Variants in MACROD2 observed in about 807,000 individuals in gnomAD.
The protein encoded by MACROD2 is ADP-ribose glycohydrolase MACROD2.
Under a neutral mutation model 70.4 loss-of-function variants are expected in MACROD2, and 36 were observed. The ratio of observed to expected loss-of-function variants is 0.51; its 90% CI spans 0.39 to 0.68. The LOEUF (loss-of-function observed/expected upper bound fraction) is 0.68. Among genes scored for constraint, MACROD2 ranks in the 30% least tolerant of loss-of-function variants. The pLI, the probability that MACROD2 is intolerant of heterozygous loss-of-function variation, is 0.00. For synonymous variants in MACROD2, 172 were observed against 178.8 expected, an observed-to-expected ratio of 0.96 and a Z score of 0.30; for missense variants, 496 against 538.4, an observed-to-expected ratio of 0.92 and a Z score of 0.78.
chr20:15,388,806 G>A, intron 6 of MACROD2, among the ~76,000 whole-genome samples: 1 of 152,176 alleles, frequency 6.6e-6, no homozygotes, highest in Admixed American at 6.5e-5. Flanking sequence ...ACCCAAGAAT[G>A]TTGTGTAAAG....
At chr20:14,454,231 A>C (rs952286264) in intron 3 of MACROD2, among the ~76,000 whole-genome samples, 2 of 151,738 alleles carry the variant, frequency 1.3e-5, no homozygotes, top group Non-Finnish European at 1.5e-5. Context: ...ATTTCTATTT[A>C]TATTCTCTGT....
rs549377013 is a variant in MACROD2, at chr20:14,210,698, A to C, written c.271+124970A>C. On this transcript the variant is annotated intron_variant, in intron 3 of 17. Transcript: ENST00000684519. ...TTCAGGTTTATTTTGTTTTGTATCCACTGTGATGATTAAAATTGGGATTAA... is the reference window on the plus strand; with the variant it reads ...TTCAGGTTTATTTTGTTTTGTATCCCCTGTGATGATTAAAATTGGGATTAA... 2.0e-5 allele frequency among the ~76,000 whole-genome samples: 3 copies of C among 152,354 alleles called. No homozygotes were observed. The South Asian group carries it at 6.2e-4, about 32-fold the overall frequency.
intron 3 of MACROD2, among the ~76,000 whole-genome samples, chr20:14,441,115 T>C (rs1455326794): frequency 6.6e-6 from 1 of 152,220 alleles, no homozygotes; most frequent in African/African-American, 2.4e-5. Context: ...GGTGATCTTA[T>C]GATTTTCTTT....
At chr20:15,378,540 T>C (rs2045598124) in intron 6 of MACROD2, among the ~76,000 whole-genome samples, 1 of 152,202 alleles carries the variant, frequency 6.6e-6, no homozygotes, top group African/African-American at 2.4e-5. Context: ...CATTTATTTG[T>C]GCTCCAATAA....
In MACROD2 at chr20:15,493,463, T is replaced by C. The variant is rs141533811; in HGVS notation, c.572-6311T>C. On this transcript the variant is annotated intron_variant, in intron 7 of 17. Transcript: ENST00000684519. ...ATCTATAGCCCCAAATAGACTTTCA[T>C]TTTAAAGTTTAAAACAAAAGCTAAT... Among the ~76,000 whole-genome samples, 652 of 152,312 alleles carry C rather than the reference T, an allele frequency of 4.3e-3. 12 individuals carry two copies. Among genetic ancestry groups the C allele is most frequent in the African/African-American group, 0.015 (620 of 41,578 alleles).
intron 5 of MACROD2, among the ~76,000 whole-genome samples, chr20:14,768,402 G>A (rs1391416979): frequency 2.6e-5 from 4 of 152,216 alleles, no homozygotes; most frequent in East Asian, 3.9e-4. Flanking sequence ...AGGAATTTGG[G>A]AATTGATATC....
chr20:15,370,327 A>G (rs2045474101), intron 6 of MACROD2, among the ~76,000 whole-genome samples: 1 of 152,042 alleles, frequency 6.6e-6, no homozygotes, highest in African/African-American at 2.4e-5. Flanking sequence ...TGAAAAATGT[A>G]AGTCTGAGCT....
chr20:14,554,934 T>A (rs886240515), intron 4 of MACROD2, among the ~76,000 whole-genome samples: 3 of 152,074 alleles, frequency 2.0e-5, no homozygotes, highest in African/African-American at 7.2e-5. Context: ...TTTTTGTTTG[T>A]TTTAATATTT....
chr20:15,314,747 T>C (rs2077790989), intron 6 of MACROD2, among the ~76,000 whole-genome samples: 1 of 152,156 alleles, frequency 6.6e-6, no homozygotes, highest in Non-Finnish European at 1.5e-5. Context: ...CAAAAGGTTG[T>C]AGTTGAGGCA....
chr20:14,512,780 A>G (rs1469666140), intron 4 of MACROD2, among the ~76,000 whole-genome samples: 1 of 152,080 alleles, frequency 6.6e-6, no homozygotes, highest in Non-Finnish European at 1.5e-5. Context: ...CAAAGCTGGA[A>G]AAGTCATCTT....
chr20:14,133,177 A>G (rs1036004689), intron 3 of MACROD2, among the ~76,000 whole-genome samples: 1 of 152,182 alleles, frequency 6.6e-6, no homozygotes, highest in African/African-American at 2.4e-5. Flanking sequence ...GTTTGCCCAA[A>G]TGTCTGGGCA....
At chr20:15,925,427 A>G (rs753754529) in intron 10 of MACROD2, among the ~76,000 whole-genome samples, 2 of 152,238 alleles carry the variant, frequency 1.3e-5, no homozygotes, top group African/African-American at 2.4e-5. Flanking sequence ...ATTAAAAACT[A>G]ACGGTATCAA....
At chr20:14,772,268 T>C (rs2072179054) in intron 5 of MACROD2, among the ~76,000 whole-genome samples, 1 of 152,118 alleles carries the variant, frequency 6.6e-6, no homozygotes, top group South Asian at 2.1e-4. Context: ...TTTCTCCTTC[T>C]AATAACTTTT....
chr20:15,387,344 C>T lies in MACROD2; in HGVS notation c.541-44061C>T, dbSNP rs144070554. On this transcript the variant is annotated intron_variant, in intron 6 of 17. Transcript: ENST00000684519. ...TGCCTTCCATTTCTCCCTTCCTTCC[C>T]TCTCTGCTTCTATTCCTCTCCCTTT... 2.8e-4 allele frequency among the ~76,000 whole-genome samples: 42 copies of T among 147,940 alleles called. No individual in the cohort carries two copies. The Middle Eastern group carries it at 0.01, about 36-fold the overall frequency.
At chr20:16,035,122 T>TAA (rs2067210161) in intron 15 of MACROD2, among the ~76,000 whole-genome samples, 1 of 15,514 alleles carries the variant, frequency 6.4e-5, no homozygotes, top group African/African-American at 8.8e-5. Flanking sequence ...AAATATAATA[T>TAA]AAAATATTAT....
chr20:15,791,327 A>G (rs927697336), intron 8 of MACROD2, among the ~76,000 whole-genome samples: 4 of 151,946 alleles, frequency 2.6e-5, no homozygotes, highest in Admixed American at 2.6e-4. Flanking sequence ...AGTTAAGTTT[A>G]TCTAAAGAAA....
At chr20:15,490,726 G>A (rs567592764) in intron 7 of MACROD2, among the ~76,000 whole-genome samples, 1 of 152,268 alleles carries the variant, frequency 6.6e-6, no homozygotes, top group South Asian at 2.1e-4. Context: ...CGAAGGTCCC[G>A]AGCTCTGGGA....
At chr20:15,810,663 A>G (rs2063811072) in intron 8 of MACROD2, among the ~76,000 whole-genome samples, 1 of 152,262 alleles carries the variant, frequency 6.6e-6, no homozygotes, top group African/African-American at 2.4e-5. Flanking sequence ...AGCTGGAGGC[A>G]TCACGCTACC....
chr20:14,730,012 AATAAATTT>A (rs2071576296), intron 5 of MACROD2, among the ~76,000 whole-genome samples: 1 of 152,158 alleles, frequency 6.6e-6, no homozygotes, highest in East Asian at 1.9e-4. Flanking sequence ...CAAATAAAAT[AATAAATTT>A]TGAAGAGCAC....
Sources: gnomAD v4.1 joint callset for allele counts (sites outside exome capture counted in the v4.1 genomes callset) on GRCh38, gnomAD v4.1.1 for gene constraint, MANE v1.5 for transcripts, NCBI Gene and HGNC (gene_info 2026-07-23, HGNC 2026-07-21) for gene names.